Variants in IMMP2L observed in about 807,000 individuals in gnomAD.
The protein encoded by IMMP2L is inner mitochondrial membrane peptidase subunit 2, also known as mitochondrial inner membrane protease subunit 2.
Under a neutral mutation model 19.3 loss-of-function variants are expected in IMMP2L, and 18 were observed. That is an observed-to-expected ratio of 0.93 (90% CI 0.64 to 1.38). The LOEUF (loss-of-function observed/expected upper bound fraction) is 1.38. IMMP2L is among the 40% of genes most tolerant of loss of function. The pLI, the probability that IMMP2L is intolerant of heterozygous loss-of-function variation, is 0.00. For missense variants in IMMP2L, 233 were observed against 218.2 expected (o/e 1.07, Z -0.43); for synonymous variants, 76 against 73.0 (o/e 1.04, Z -0.21).
intron 5 of IMMP2L, among the ~76,000 whole-genome samples, chr7:110,772,076 G>A (rs1430496966): frequency 1.3e-5 from 2 of 152,148 alleles, no homozygotes. Flanking sequence ...TCCAAAAGCT[G>A]CCTGGTCTCT....
chr7:110,966,811 G>A (rs1018715219), intron 3 of IMMP2L, among the ~76,000 whole-genome samples: 5 of 151,926 alleles, frequency 3.3e-5, no homozygotes, highest in African/African-American at 1.2e-4. Context: ...CAGCAGAAGT[G>A]CTCAGAGAGT....
chr7:111,308,992 T>C (rs1036278570), intron 3 of IMMP2L, among the ~76,000 whole-genome samples: 1 of 152,088 alleles, frequency 6.6e-6, no homozygotes, highest in Admixed American at 6.6e-5. Context: ...AATGCTTCAT[T>C]TTGCTAAATT....
At chr7:111,403,720 A>C (rs1220723971) in intron 3 of IMMP2L, among the ~76,000 whole-genome samples, 1 of 152,130 alleles carries the variant, frequency 6.6e-6, no homozygotes, top group African/African-American at 2.4e-5. Context: ...CACAAAACCC[A>C]ATATTTTTTG....
chr7:111,433,863 T>C (rs1395043274), intron 3 of IMMP2L, among the ~76,000 whole-genome samples: 1 of 151,772 alleles, frequency 6.6e-6, no homozygotes, highest in Non-Finnish European at 1.5e-5. Context: ...AAAATGACCA[T>C]ACTACATGGA....
chr7:110,985,245 T>G (rs914065806), intron 3 of IMMP2L, among the ~76,000 whole-genome samples: 1 of 152,072 alleles, frequency 6.6e-6, no homozygotes, highest in Non-Finnish European at 1.5e-5. Flanking sequence ...TAATAAACAT[T>G]TGTTGTTTTA....
chr7:111,116,500 A>G (rs1203842681), intron 3 of IMMP2L, among the ~76,000 whole-genome samples: 1 of 152,154 alleles, frequency 6.6e-6, no homozygotes, highest in East Asian at 1.9e-4. Context: ...TTGAACAATA[A>G]CAAAAATAAT....
At chr7:111,129,908 T>C (rs549331076) in intron 3 of IMMP2L, among the ~76,000 whole-genome samples, 5 of 152,258 alleles carry the variant, frequency 3.3e-5, no homozygotes, top group Admixed American at 2.0e-4. Flanking sequence ...AAAAAACTTT[T>C]AAAAAGAATA....
At chr7:111,343,852 G>C (rs909543065) in intron 3 of IMMP2L, among the ~76,000 whole-genome samples, 2 of 152,090 alleles carry the variant, frequency 1.3e-5, no homozygotes, top group Non-Finnish European at 2.9e-5. Context: ...TCTGTAAAGT[G>C]AGGAACCTTC....
chr7:110,759,708 T>TA (rs748060598), intron 5 of IMMP2L, among the ~76,000 whole-genome samples: 58 of 152,120 alleles, frequency 3.8e-4, no homozygotes, highest in Non-Finnish European at 7.8e-4. Context: ...CTTGTTTCCT[T>TA]AAGAAAGTAT....
chr7:110,749,753 G>C (rs1287940326), intron 5 of IMMP2L, among the ~76,000 whole-genome samples: 4 of 152,106 alleles, frequency 2.6e-5, no homozygotes, highest in Non-Finnish European at 5.9e-5. Flanking sequence ...TCAGGGGTTG[G>C]GGGCCCAGGG....
At chr7:111,256,378 C>T (rs1816698956) in intron 3 of IMMP2L, among the ~76,000 whole-genome samples, 1 of 151,934 alleles carries the variant, frequency 6.6e-6, no homozygotes, top group Non-Finnish European at 1.5e-5. Context: ...TTAAATCTAA[C>T]ATTATTTTCT....
chr7:111,239,762 A>AG (rs1408841216), intron 3 of IMMP2L, among the ~76,000 whole-genome samples: 1 of 151,962 alleles, frequency 6.6e-6, no homozygotes, highest in Non-Finnish European at 1.5e-5. Flanking sequence ...GAAAAAATGT[A>AG]GGGGGAAAAA....
At chr7:111,228,126 AAT>A (rs1442416858) in intron 3 of IMMP2L, among the ~76,000 whole-genome samples, 1 of 152,128 alleles carries the variant, frequency 6.6e-6, no homozygotes, top group Non-Finnish European at 1.5e-5. Flanking sequence ...CTGCTGTTGA[AAT>A]ACGTTTATGT....
chr7:110,846,348 C>CTTTTTTTTTTTTTT (rs919194286), intron 5 of IMMP2L, among the ~76,000 whole-genome samples: 1 of 126,422 alleles, frequency 7.9e-6, no homozygotes. Flanking sequence ...ACCCTGATTT[C>CTTTTTTTTTTTTTT]TTTTTTTTTT....
At chr7:110,721,506 A>G (rs983678505) in intron 5 of IMMP2L, among the ~76,000 whole-genome samples, 4 of 152,114 alleles carry the variant, frequency 2.6e-5, no homozygotes, top group Non-Finnish European at 2.9e-5. Flanking sequence ...GGATGACAAA[A>G]AGCAAAAGAA....
chr7:110,678,464 C>G (rs1216511275), intron 5 of IMMP2L, among the ~76,000 whole-genome samples: 1 of 151,794 alleles, frequency 6.6e-6, no homozygotes, highest in Non-Finnish European at 1.5e-5. Context: ...TGAATATTTA[C>G]CAAAGAGAAT....
At chr7:111,383,577 T>C (rs1164187650) in intron 3 of IMMP2L, among the ~76,000 whole-genome samples, 12 of 152,136 alleles carry the variant, frequency 7.9e-5, no homozygotes, top group Admixed American at 7.9e-4. Flanking sequence ...TTGAGGGCTA[T>C]CCAGCCTTTG....
intron 3 of IMMP2L, among the ~76,000 whole-genome samples, chr7:111,000,178 C>T (rs1823512661): frequency 6.6e-6 from 1 of 152,128 alleles, no homozygotes. Context: ...TTCAATTAAT[C>T]CCTGTTTACA....
chr7:111,292,516 A>G (rs975779777), intron 3 of IMMP2L, among the ~76,000 whole-genome samples: 1 of 151,828 alleles, frequency 6.6e-6, no homozygotes, highest in Non-Finnish European at 1.5e-5. Flanking sequence ...TTTTTTTTGA[A>G]GTGTAATCCT....
Sources: allele counts gnomAD v4.1 joint callset (sites outside exome capture counted in the v4.1 genomes callset), GRCh38; gene constraint gnomAD v4.1.1; transcripts MANE v1.5; gene names NCBI Gene and HGNC (gene_info 2026-07-23, HGNC 2026-07-21).